GPR139: variants seen among roughly 807,000 people sequenced by gnomAD.
GPR139 encodes probable G protein-coupled receptor 139.
In GPR139, 12 loss-of-function variants were observed where a neutral mutation model predicts 25.8. The ratio of observed to expected loss-of-function variants is 0.47; its 90% CI spans 0.30 to 0.75. The LOEUF is 0.75. GPR139 is among the 30% of genes least tolerant of loss of function. The probability of loss-of-function intolerance (pLI) is 0.07; values close to 1 mark genes in which losing one functional copy is unlikely to be tolerated. For missense variants in GPR139, 380 were observed against 450.2 expected, an observed-to-expected ratio of 0.84 and a Z score of 1.41; for synonymous variants, 184 against 179.9, an observed-to-expected ratio of 1.02 and a Z score of -0.18.
Position 20,073,747 on chromosome 16 carries a change from G to T in GPR139, c.-131C>A, listed in dbSNP as rs1254758669. 1.0e-5 allele frequency: 12 copies of T among 1,185,022 alleles called. No homozygotes were observed. Among genetic ancestry groups the T allele is most frequent in the Non-Finnish European group, 1.4e-5 (12 of 873,492 alleles). The allele number at this position is 1,185,022 out of a possible 1,614,324, so 73.4% of individuals were successfully genotyped here. On this transcript the variant is annotated 5_prime_UTR_variant, in exon 1 of 2. Coordinates refer to ENST00000570682, the MANE Select transcript of GPR139 (RefSeq NM_001002911.4). This position sits in a 1 kb window ranked among gnomAD's most constrained non-coding sequence, Gnocchi z 4.7. ...CAGCGCCTCTCTCCCCGCAGGACTG[G>T]CTCCTACCCTTGGCCGTGATCCCCT...
At chr16:20,062,224 C>A (rs1032700669) in intron 1 of GPR139, among the ~76,000 whole-genome samples, 7 of 152,170 alleles carry the variant, frequency 4.6e-5, no homozygotes, top group Admixed American at 6.5e-5. Flanking sequence ...GAAGTCCTAA[C>A]CCCCAATGTG....
At position 20,028,461 on chromosome 16, in the gene GPR139, T is replaced by G. The variant is rs2057275748; in HGVS notation, c.*3274A>C. ...AAACAAGTCCAAACACAATATATAATCTAATTAAGAAAATATGAACATTTG... is the reference window on the plus strand; with the variant it reads ...AAACAAGTCCAAACACAATATATAAGCTAATTAAGAAAATATGAACATTTG... On this transcript the variant is annotated 3_prime_UTR_variant, in exon 2 of 2. Coordinates refer to ENST00000570682, the MANE Select transcript of GPR139 (RefSeq NM_001002911.4). 6.6e-6 allele frequency among the ~76,000 whole-genome samples: 1 copy of G among 152,166 alleles called. No homozygotes were observed. The highest frequency in any genetic ancestry group is 6.5e-5 in the Admixed American group (1 of 15,276).
chr16:20,031,643 C>T lies in GPR139; in HGVS notation c.*92G>A. 1.1e-6 allele frequency: 1 copy of T among 942,312 alleles called. No individual in the cohort carries two copies. The highest frequency in any genetic ancestry group is 1.7e-6 in the Non-Finnish European group (1 of 597,958). 58.4% of individuals were successfully genotyped at this position (942,312 alleles called of 1,614,324 possible). ...TGCGGGAGACAGGAAATCGGATTAG[C>T]ACTCTTAAGGAGAGCTGCTCAGCCA... On this transcript the variant is annotated 3_prime_UTR_variant, in exon 2 of 2. Coordinates refer to ENST00000570682, the MANE Select transcript of GPR139 (RefSeq NM_001002911.4).
At chr16:20,043,300 G>A (rs955333376) in intron 1 of GPR139, among the ~76,000 whole-genome samples, 2 of 152,086 alleles carry the variant, frequency 1.3e-5, no homozygotes, top group Non-Finnish European at 2.9e-5. Context: ...CCTCAATCAC[G>A]AAACCACATC....
At position 20,073,368 on chromosome 16, in the gene GPR139, T is replaced by A; in HGVS notation, c.127+122A>T. On this transcript the variant is annotated intron_variant, in intron 1 of 1. Transcript: ENST00000570682. The surrounding 1 kb of genome is among the most constrained non-coding windows in gnomAD (Gnocchi z 4.7). ...GTGTGGAAATATCCATAGTTGCCCT[T>A]AAAGCTTAAACTTTTTCCGAGGGGG... 7.0e-7 allele frequency: 1 copy of A among 1,430,420 alleles called. No homozygotes were observed. 88.6% of individuals were successfully genotyped at this position (1,430,420 alleles called of 1,614,324 possible). A position where few individuals can be genotyped will look rare whatever the true frequency, so the allele number is the denominator to read the frequency against.
chr16:20,030,087 C>T lies in GPR139; in HGVS notation c.*1648G>A, dbSNP rs568196541. Among the ~76,000 whole-genome samples, 1 of 152,266 alleles carries T rather than the reference C, an allele frequency of 6.6e-6. No individual in the cohort carries two copies. The highest frequency in any genetic ancestry group is 2.1e-4 in the South Asian group (1 of 4,830). On this transcript the variant is annotated 3_prime_UTR_variant, in exon 2 of 2. Transcript: ENST00000570682. The stretch of plus-strand genomic sequence containing the variant: ...ATTAGGATCATCAGGACTAATATGA[C>T]CTAAGTTTGTATTGAGTTAGTATTG...
intron 1 of GPR139, among the ~76,000 whole-genome samples, chr16:20,065,565 C>T (rs1176374268): frequency 6.6e-6 from 1 of 152,080 alleles, no homozygotes; most frequent in Non-Finnish European, 1.5e-5. Flanking sequence ...CTCAAAGAAT[C>T]GTCAAAGAAT....
chr16:20,069,294 C>T (rs1217114238), intron 1 of GPR139, among the ~76,000 whole-genome samples: 3 of 61,312 alleles, frequency 4.9e-5, no homozygotes, highest in Non-Finnish European at 1.2e-4. Context: ...AGTCACTTGC[C>T]CAAGGTCATA....
In GPR139 at chr16:20,032,476, C is replaced by T; in HGVS notation, c.321G>A (p.Leu107=). ...PQVPDKIIEV[L]EFSSIHTSIW... Reference sequence around the variant, plus strand: ...TGGAGGTGTGGATGGATGAGAATTCCAGCACTTCTATGATCTTGTCGGGGA... The same window carrying T: ...TGGAGGTGTGGATGGATGAGAATTCTAGCACTTCTATGATCTTGTCGGGGA... Residue 107 remains leucine, a synonymous_variant, in exon 2 of 2, where the codon CTG becomes CTA. Coordinates refer to ENST00000570682, the MANE Select transcript of GPR139 (RefSeq NM_001002911.4). 1 of 1,614,102 alleles carries T rather than the reference C, an allele frequency of 6.2e-7. No individual in the cohort carries two copies. The highest frequency in any genetic ancestry group is 8.5e-7 in the Non-Finnish European group (1 of 1,180,032).
chr16:20,040,437 ATTG>A (rs1457573918), intron 1 of GPR139, among the ~76,000 whole-genome samples: 1 of 152,224 alleles, frequency 6.6e-6, no homozygotes, highest in Non-Finnish European at 1.5e-5. Flanking sequence ...ATACAATAAT[ATTG>A]TTGTGCAACT....
intron 1 of GPR139, among the ~76,000 whole-genome samples, chr16:20,035,975 C>T (rs561646532): frequency 5.9e-5 from 9 of 152,234 alleles, no homozygotes; most frequent in South Asian, 2.1e-4. Flanking sequence ...TGGTCAAATA[C>T]GTGTGCATAG....
rs1366833665 is a variant in GPR139, at chr16:20,029,485, AT to A, written c.*2249del. ...ACATGTTTAAAAAATAAATAAATAA[AT>A]ATATATATATATATATATTCAGTAT... is the stretch of plus-strand genomic sequence containing the variant. On this transcript the variant is annotated 3_prime_UTR_variant, in exon 2 of 2. Coordinates refer to ENST00000570682, the MANE Select transcript of GPR139 (RefSeq NM_001002911.4). Among the ~76,000 whole-genome samples the A allele has an allele frequency of 1.5e-5, 1 of 65,920 alleles. No individual in the cohort carries two copies. Among genetic ancestry groups the A allele is most frequent in the Non-Finnish European group, 2.9e-5 (1 of 33,958 alleles). 43.2% of individuals were successfully genotyped at this position (65,920 alleles called of 152,430 possible).
intron 1 of GPR139, among the ~76,000 whole-genome samples, chr16:20,052,066 T>C (rs1487864551): frequency 6.6e-6 from 1 of 152,192 alleles, no homozygotes; most frequent in East Asian, 1.9e-4. Context: ...CTGCCCACCA[T>C]ATGTGGGCTG....
At chr16:20,068,039 G>A (rs1055071039) in intron 1 of GPR139, among the ~76,000 whole-genome samples, 12 of 151,782 alleles carry the variant, frequency 7.9e-5, no homozygotes, top group African/African-American at 2.9e-4. Flanking sequence ...ATCCATAATT[G>A]ATATTTTCTC....
At chr16:20,044,525 A>T (rs903194772) in intron 1 of GPR139, among the ~76,000 whole-genome samples, 1 of 152,286 alleles carries the variant, frequency 6.6e-6, no homozygotes, top group Non-Finnish European at 1.5e-5. Flanking sequence ...CAGGCAGATA[A>T]GACACAAGAG....
chr16:20,046,893 A>G (rs1256600975), intron 1 of GPR139, among the ~76,000 whole-genome samples: 1 of 152,008 alleles, frequency 6.6e-6, no homozygotes, highest in African/African-American at 2.4e-5. Context: ...ACATAGTGAG[A>G]CCCCATATCT....
chr16:20,039,357 C>T (rs1596464866), intron 1 of GPR139, among the ~76,000 whole-genome samples: 1 of 152,300 alleles, frequency 6.6e-6, no homozygotes, highest in Admixed American at 6.5e-5. Flanking sequence ...CTGCAGGTTC[C>T]TTGGAAGAAG....
chr16:20,062,876 C>A (rs1443413666), intron 1 of GPR139, among the ~76,000 whole-genome samples: 4 of 152,110 alleles, frequency 2.6e-5, no homozygotes, highest in Non-Finnish European at 5.9e-5. Context: ...CATGCTAAAT[C>A]TTCAAAATCT....
intron 1 of GPR139, among the ~76,000 whole-genome samples, chr16:20,033,963 C>T (rs2057300929): frequency 6.7e-6 from 1 of 149,466 alleles, no homozygotes; most frequent in Non-Finnish European, 1.5e-5. Context: ...GAAAATACAT[C>T]TATATAATTT....
Sources: gnomAD v4.1 joint callset for allele counts (sites outside exome capture counted in the v4.1 genomes callset) on GRCh38, gnomAD v4.1.1 for gene constraint, Gnocchi (gnomAD v3.1) non-coding constraint, MANE v1.5 for transcripts, NCBI Gene and HGNC (gene_info 2026-07-23, HGNC 2026-07-21) for gene names.